Variants in SEMA3E observed in about 807,000 individuals in gnomAD.
SEMA3E encodes semaphorin 3E.
A neutral mutation model predicts 93.6 loss-of-function variants in SEMA3E; 49 were observed. The observed-to-expected ratio is 0.52, with a 90% CI of 0.42 to 0.66. The LOEUF is 0.66. Ranked by LOEUF, SEMA3E falls within the 30% of genes least tolerant of loss-of-function variation. The pLI is 0.00. For missense variants in SEMA3E, 906 were observed against 964.8 expected (o/e 0.94, Z 0.81); for synonymous variants, 363 against 330.7 (o/e 1.10, Z -1.06).
chr7:83,511,285 G>GT (rs5885362), intron 1 of SEMA3E, among the ~76,000 whole-genome samples: 77,960 of 143,848 alleles, frequency 0.54, 21,497 homozygotes, highest in Non-Finnish European at 0.62. Context: ...TCTTAAATAT[G>GT]TTTTTTTTTT....
chr7:83,436,997 G>C (rs1453222963), intron 4 of SEMA3E, among the ~76,000 whole-genome samples: 2 of 152,128 alleles, frequency 1.3e-5, no homozygotes, highest in African/African-American at 4.8e-5. Context: ...AAGAGAGCTT[G>C]TGCAGGAAAA....
At chr7:83,406,155 C>G in intron 7 of SEMA3E, 96 bp from the exon 8 acceptor site, 2 of 886,964 alleles carry the variant, frequency 2.3e-6, no homozygotes, top group Non-Finnish European at 3.8e-6. Context: ...AGAGTTATGA[C>G]TTTTTTATTT....
At chr7:83,423,404 TTTGA>T (rs1345482613) in intron 4 of SEMA3E, among the ~76,000 whole-genome samples, 1 of 152,192 alleles carries the variant, frequency 6.6e-6, no homozygotes, top group Non-Finnish European at 1.5e-5. Context: ...CTCACATTTA[TTTGA>T]TTAATGGCTA....
At chr7:83,403,430 T>C (rs546457551) in intron 9 of SEMA3E, among the ~76,000 whole-genome samples, 1 of 152,048 alleles carries the variant, frequency 6.6e-6, no homozygotes, top group Non-Finnish European at 1.5e-5. Flanking sequence ...AGCAAAAAAA[T>C]TTTCTTGATT....
At chr7:83,594,032 C>T (rs920599796) in intron 1 of SEMA3E, among the ~76,000 whole-genome samples, 2 of 152,074 alleles carry the variant, frequency 1.3e-5, no homozygotes, top group Non-Finnish European at 2.9e-5. Context: ...CATGAACCAG[C>T]TCTGTACTTT....
chr7:83,403,845 T>C (rs900262998), intron 9 of SEMA3E, among the ~76,000 whole-genome samples: 4 of 151,932 alleles, frequency 2.6e-5, no homozygotes, highest in African/African-American at 7.2e-5. Flanking sequence ...ACGCCTTTGA[T>C]CACCATTCTA....
chr7:83,626,442 A>G (rs949582087), intron 1 of SEMA3E, among the ~76,000 whole-genome samples: 7 of 152,102 alleles, frequency 4.6e-5, no homozygotes, highest in African/African-American at 1.7e-4. Context: ...GGGAGAGTGC[A>G]TGTGTCCAGG....
chr7:83,495,364 T>G (rs1790469893), intron 1 of SEMA3E, among the ~76,000 whole-genome samples: 2 of 151,880 alleles, frequency 1.3e-5, no homozygotes, highest in African/African-American at 4.8e-5. Flanking sequence ...TAGAGAAGAA[T>G]GCTTCTATTT....
At chr7:83,388,015 T>C (rs1028073261) in intron 14 of SEMA3E, among the ~76,000 whole-genome samples, 1 of 147,636 alleles carries the variant, frequency 6.8e-6, no homozygotes, top group African/African-American at 2.5e-5. Flanking sequence ...GTTTTGAATA[T>C]ATATAAAAAC....
chr7:83,646,541 T>A (rs1252674581), intron 1 of SEMA3E, among the ~76,000 whole-genome samples: 1 of 152,074 alleles, frequency 6.6e-6, no homozygotes, highest in Non-Finnish European at 1.5e-5. Flanking sequence ...AAAAACATCA[T>A]ATTGTGCATT....
chr7:83,504,211 T>A (rs887048031), intron 1 of SEMA3E, among the ~76,000 whole-genome samples: 1 of 152,216 alleles, frequency 6.6e-6, no homozygotes, highest in African/African-American at 2.4e-5. Flanking sequence ...TCATAATTAC[T>A]AAAATGATAG....
At chr7:83,550,427 T>C (rs1038141372) in intron 1 of SEMA3E, among the ~76,000 whole-genome samples, 5 of 152,136 alleles carry the variant, frequency 3.3e-5, no homozygotes, top group Non-Finnish European at 7.4e-5. Context: ...ATTTCAACAT[T>C]TTATATGAGT....
intron 1 of SEMA3E, among the ~76,000 whole-genome samples, chr7:83,504,865 A>G (rs1394542053): frequency 6.6e-6 from 1 of 152,112 alleles, no homozygotes; most frequent in East Asian, 1.9e-4. Flanking sequence ...AATTTCACTT[A>G]CCCTTCACTC....
At chr7:83,425,883 A>G (rs1788759918) in intron 4 of SEMA3E, among the ~76,000 whole-genome samples, 1 of 152,166 alleles carries the variant, frequency 6.6e-6, no homozygotes, top group African/African-American at 2.4e-5. Context: ...AACTTAATTC[A>G]AAAGCAAAAA....
intron 1 of SEMA3E, among the ~76,000 whole-genome samples, chr7:83,596,203 C>G (rs899266076): frequency 5.3e-5 from 8 of 151,964 alleles, no homozygotes; most frequent in African/African-American, 1.9e-4. Context: ...CAGCTTCAGC[C>G]ATTGTGAGGT....
At chr7:83,463,477 C>A (rs1405509305) in intron 4 of SEMA3E, among the ~76,000 whole-genome samples, 1 of 152,210 alleles carries the variant, frequency 6.6e-6, no homozygotes, top group Non-Finnish European at 1.5e-5. Flanking sequence ...TTTGTTGAGT[C>A]TCCCACAATT....
chr7:83,630,746 A>C (rs1183856450), intron 1 of SEMA3E, among the ~76,000 whole-genome samples: 1 of 152,208 alleles, frequency 6.6e-6, no homozygotes, highest in Admixed American at 6.5e-5. Flanking sequence ...ATTCCAAGAC[A>C]GTATAAGCAG....
chr7:83,412,011 T>A (rs1788447299), intron 5 of SEMA3E, among the ~76,000 whole-genome samples: 1 of 152,158 alleles, frequency 6.6e-6, no homozygotes. Context: ...AATCTGCTGT[T>A]TGACCACCAC....
chr7:83,645,014 C>A (rs1794061235), intron 1 of SEMA3E, among the ~76,000 whole-genome samples: 1 of 151,972 alleles, frequency 6.6e-6, no homozygotes, highest in Non-Finnish European at 1.5e-5. Flanking sequence ...GATTGAATTT[C>A]TGGGGCTTTC....
Sources: allele counts gnomAD v4.1 joint callset (sites outside exome capture counted in the v4.1 genomes callset), GRCh38; gene constraint gnomAD v4.1.1; transcripts MANE v1.5; gene names NCBI Gene and HGNC (gene_info 2026-07-23, HGNC 2026-07-21).